MARCHF1: variants seen among roughly 807,000 people sequenced by gnomAD.
The protein encoded by MARCHF1 is membrane associated ring-CH-type finger 1, also known as E3 ubiquitin-protein ligase MARCHF1.
Under a neutral mutation model 54.2 loss-of-function variants are expected in MARCHF1, and 40 were observed. The ratio of observed to expected loss-of-function variants is 0.74; its 90% CI spans 0.57 to 0.96. MARCHF1 has a LOEUF of 0.96. Among genes scored for constraint, MARCHF1 ranks in the 40% least tolerant of loss-of-function variants. MARCHF1 has a pLI of 0.00. For synonymous variants in MARCHF1, 236 were observed against 236.3 expected (o/e 1.00, Z 0.01); for missense variants, 586 against 656.5 (o/e 0.89, Z 1.17).
chr4:164,357,029 G>A (rs975633767), intron 1 of MARCHF1, among the ~76,000 whole-genome samples: 2 of 151,244 alleles, frequency 1.3e-5, no homozygotes, highest in African/African-American at 2.4e-5. Flanking sequence ...TTAATACCTG[G>A]GTGACAAGAT....
At chr4:163,936,152 T>G (rs1189995597) in intron 3 of MARCHF1, among the ~76,000 whole-genome samples, 1 of 152,094 alleles carries the variant, frequency 6.6e-6, no homozygotes. Context: ...CAGTCTTATG[T>G]AGGCATGATT....
chr4:164,146,906 A>C (rs1029128697), intron 1 of MARCHF1, among the ~76,000 whole-genome samples: 1 of 149,900 alleles, frequency 6.7e-6, no homozygotes, highest in Non-Finnish European at 1.5e-5. Context: ...ATGGGAGAAA[A>C]TTTTTGCAAC....
intron 7 of MARCHF1, among the ~76,000 whole-genome samples, chr4:163,594,786 A>ACACACACACACACACACC (rs1173614623): frequency 1.3e-5 from 2 of 151,448 alleles, no homozygotes; most frequent in African/African-American, 4.9e-5. Context: ...ACACACACAC[A>ACACACACACACACACACC]CCCAAACCCA....
chr4:163,664,504 C>G (rs76853402), intron 5 of MARCHF1, among the ~76,000 whole-genome samples: 4,647 of 152,130 alleles, frequency 0.031, 251 homozygotes, highest in African/African-American at 0.11. Context: ...TTCCCCAACA[C>G]CCTAGCCAGT....
intron 1 of MARCHF1, among the ~76,000 whole-genome samples, chr4:164,163,074 A>G (rs1054221817): frequency 1.3e-5 from 2 of 152,118 alleles, no homozygotes; most frequent in African/African-American, 4.8e-5. Context: ...ATTTCAGAAA[A>G]AGACAAATAT....
At chr4:164,192,291 C>A (rs1159251663) in intron 1 of MARCHF1, among the ~76,000 whole-genome samples, 1 of 152,082 alleles carries the variant, frequency 6.6e-6, no homozygotes, top group Non-Finnish European at 1.5e-5. Flanking sequence ...ATTCATACAT[C>A]ATTGCTTTAC....
At chr4:163,691,920 G>T (rs574501180) in intron 5 of MARCHF1, among the ~76,000 whole-genome samples, 2 of 152,304 alleles carry the variant, frequency 1.3e-5, no homozygotes, top group South Asian at 4.1e-4. Flanking sequence ...TCAGCCAAAA[G>T]TCTATATACT....
At chr4:164,326,576 T>C (rs1203101130) in intron 1 of MARCHF1, among the ~76,000 whole-genome samples, 4 of 152,106 alleles carry the variant, frequency 2.6e-5, no homozygotes, top group Non-Finnish European at 4.4e-5. Context: ...TAGACAGAAA[T>C]GAAATCAGTA....
chr4:163,727,518 G>A (rs947921473), intron 4 of MARCHF1, among the ~76,000 whole-genome samples: 1 of 151,994 alleles, frequency 6.6e-6, no homozygotes, highest in Admixed American at 6.6e-5. Context: ...TGTCAGCCAG[G>A]ATGGTCTTGA....
intron 3 of MARCHF1, among the ~76,000 whole-genome samples, chr4:163,879,019 G>T (rs992284447): frequency 3.3e-5 from 5 of 152,098 alleles, no homozygotes; most frequent in African/African-American, 1.2e-4. Flanking sequence ...AGCTCCCACA[G>T]CAAAACAATA....
intron 3 of MARCHF1, among the ~76,000 whole-genome samples, chr4:163,941,969 CTG>C (rs1201690912): frequency 6.6e-6 from 1 of 152,122 alleles, no homozygotes; most frequent in African/African-American, 2.4e-5. Context: ...ACTTTCTTCT[CTG>C]TGTTTACTTT....
chr4:164,194,580 CTT>C (rs1159921312), intron 1 of MARCHF1, among the ~76,000 whole-genome samples: 4 of 152,086 alleles, frequency 2.6e-5, no homozygotes, highest in African/African-American at 9.7e-5. Flanking sequence ...GCCTGCATCT[CTT>C]GATTGTATGC....
chr4:164,205,636 CTGTT>C (rs1193771795), intron 1 of MARCHF1, among the ~76,000 whole-genome samples: 2 of 151,866 alleles, frequency 1.3e-5, no homozygotes, highest in Non-Finnish European at 2.9e-5. Context: ...GATGTAATTT[CTGTT>C]TGTTTTCTTT....
intron 2 of MARCHF1, among the ~76,000 whole-genome samples, chr4:164,055,592 A>T (rs1010728740): frequency 1.3e-5 from 2 of 152,220 alleles, no homozygotes; most frequent in African/African-American, 4.8e-5. Context: ...GCCATCATAA[A>T]TAAATGCATA....
At chr4:163,881,357 G>A (rs1750411581) in intron 3 of MARCHF1, among the ~76,000 whole-genome samples, 1 of 152,134 alleles carries the variant, frequency 6.6e-6, no homozygotes, top group African/African-American at 2.4e-5. Context: ...TGTAATCCCA[G>A]CTACTCAGGA....
intron 4 of MARCHF1, among the ~76,000 whole-genome samples, chr4:163,738,822 T>C (rs968805483): frequency 6.6e-5 from 10 of 152,172 alleles, no homozygotes; most frequent in African/African-American, 2.2e-4. Context: ...CTAAAGCATA[T>C]TTTAAACTAC....
Position 164,249,596 on chromosome 4 carries a change from T to C in MARCHF1, c.-323+134274A>G, listed in dbSNP as rs79057138. Reference sequence around the variant, plus strand: ...ATCAGGGAATCCCTTGAAAATTTATTAGTAGAGGAAGAACACAACAGGACT... The same window carrying C: ...ATCAGGGAATCCCTTGAAAATTTATCAGTAGAGGAAGAACACAACAGGACT... On this transcript the variant is annotated intron_variant, in intron 1 of 9. Coordinates refer to ENST00000514618, the MANE Select transcript of MARCHF1 (RefSeq NM_001394959.1). Among the ~76,000 whole-genome samples, 220 of 152,086 alleles carry C rather than the reference T, an allele frequency of 1.4e-3. 2 individuals carry two copies. The East Asian group carries it at 0.04, about 28-fold the overall frequency.
At chr4:164,338,017 T>A (rs1273219463) in intron 1 of MARCHF1, among the ~76,000 whole-genome samples, 1 of 152,130 alleles carries the variant, frequency 6.6e-6, no homozygotes, top group African/African-American at 2.4e-5. Context: ...AACTCTAATA[T>A]GAAGGATAAA....
chr4:163,659,860 G>A (rs982334186), intron 5 of MARCHF1, among the ~76,000 whole-genome samples: 3 of 151,968 alleles, frequency 2.0e-5, no homozygotes, highest in South Asian at 2.1e-4. Context: ...ATACCATCTC[G>A]CACCAGTCAG....
Sources: gnomAD v4.1 joint callset for allele counts (sites outside exome capture counted in the v4.1 genomes callset) on GRCh38, gnomAD v4.1.1 for gene constraint, MANE v1.5 for transcripts, NCBI Gene and HGNC (gene_info 2026-07-23, HGNC 2026-07-21) for gene names.